GOLM2: variants seen among roughly 807,000 people sequenced by gnomAD.
GOLM2 encodes the protein golgi membrane protein 2.
In GOLM2, 26 loss-of-function variants were observed where a neutral mutation model predicts 55.9. That is an observed-to-expected ratio of 0.47 (90% CI 0.34 to 0.65). GOLM2 has a LOEUF of 0.65. Among genes scored for constraint, GOLM2 ranks in the 30% least tolerant of loss-of-function variants. The pLI, the probability that GOLM2 is intolerant of heterozygous loss-of-function variation, is 0.01. For synonymous variants in GOLM2, 165 were observed against 194.6 expected (o/e 0.85, Z 1.27); for missense variants, 486 against 531.8 (o/e 0.91, Z 0.85).
chr15:44,388,710 T>G (rs1273566369), intron 8 of GOLM2, among the ~76,000 whole-genome samples: 1 of 152,216 alleles, frequency 6.6e-6, no homozygotes, highest in Non-Finnish European at 1.5e-5. Flanking sequence ...GACAGGGTCT[T>G]GCTGTGCTGC....
At chr15:44,388,139 G>T (rs1381224249) in intron 8 of GOLM2, among the ~76,000 whole-genome samples, 1 of 151,392 alleles carries the variant, frequency 6.6e-6, no homozygotes, top group Admixed American at 6.6e-5. Flanking sequence ...AGCTGGGCTT[G>T]TTGGTGCATG....
chr15:44,378,364 T>G (rs1290468113), intron 6 of GOLM2, among the ~76,000 whole-genome samples: 2 of 150,664 alleles, frequency 1.3e-5, no homozygotes, highest in East Asian at 3.9e-4. Flanking sequence ...CTTTTTTTTT[T>G]TTTTTTTTTG....
intron 8 of GOLM2, among the ~76,000 whole-genome samples, chr15:44,402,319 T>G (rs2079570846): frequency 6.6e-6 from 1 of 152,186 alleles, no homozygotes; most frequent in South Asian, 2.1e-4. Flanking sequence ...TTGTCATCCC[T>G]TTTTGGAAAT....
chr15:44,351,124 T>G (rs1177434756), intron 6 of GOLM2, among the ~76,000 whole-genome samples: 1 of 152,042 alleles, frequency 6.6e-6, no homozygotes, highest in Non-Finnish European at 1.5e-5. Flanking sequence ...TTATTTGACC[T>G]AGACTTCCAG....
intron 6 of GOLM2, among the ~76,000 whole-genome samples, 200 bp downstream of exon 6, chr15:44,338,517 C>T (rs2079072088): frequency 1.3e-5 from 2 of 152,032 alleles, no homozygotes; most frequent in Admixed American, 6.6e-5. Context: ...GTATAAAATA[C>T]TTGTTTTTGC....
intron 1 of GOLM2, among the ~76,000 whole-genome samples, chr15:44,316,500 A>C (rs1020358959): frequency 6.6e-6 from 1 of 152,244 alleles, no homozygotes; most frequent in Non-Finnish European, 1.5e-5. Context: ...TCACGCCTGT[A>C]ATCCCAGCAC....
At chr15:44,373,715 C>T (rs1296197722) in intron 6 of GOLM2, among the ~76,000 whole-genome samples, 1 of 152,186 alleles carries the variant, frequency 6.6e-6, no homozygotes, top group African/African-American at 2.4e-5. Context: ...GATCGTGCCA[C>T]TGCACTCCAA....
chr15:44,359,715 C>T lies in GOLM2; in HGVS notation c.803-19975C>T, dbSNP rs368120312. ...AAATACAGAGAATGCCACAAAGATA[C>T]TCCTCGAGAAGAGCAACTCCAAGAC... On this transcript the variant is annotated intron_variant, in intron 6 of 9. Transcript: ENST00000299957. 4.6e-3 allele frequency among the ~76,000 whole-genome samples: 693 copies of T among 152,178 alleles called. 13 individuals carry two copies. Among genetic ancestry groups the T allele is most frequent in the East Asian group, 0.04 (206 of 5,170 alleles).
intron 1 of GOLM2, among the ~76,000 whole-genome samples, chr15:44,322,065 A>G (rs1555422167): frequency 2.6e-5 from 4 of 151,872 alleles, no homozygotes; most frequent in Non-Finnish European, 5.9e-5. Context: ...GAAAAAAAAA[A>G]GTTTAAAAAT....
chr15:44,362,624 A>T (rs1313392190), intron 6 of GOLM2, among the ~76,000 whole-genome samples: 1 of 152,216 alleles, frequency 6.6e-6, no homozygotes, highest in African/African-American at 2.4e-5. Context: ...TGCCCAAGGT[A>T]ATTTATAGAT....
intron 6 of GOLM2, among the ~76,000 whole-genome samples, chr15:44,358,817 A>G (rs191051437): frequency 6.6e-6 from 1 of 152,338 alleles, no homozygotes; most frequent in East Asian, 1.9e-4. Flanking sequence ...ACACCAAAGT[A>G]GCGATCCATG....
At chr15:44,338,353 A>G (rs566954853) in intron 6 of GOLM2, 36 bp downstream of exon 6, 2 of 1,462,320 alleles carry the variant, frequency 1.4e-6, no homozygotes, top group Admixed American at 3.4e-5. Context: ...GACTAAAGTG[A>G]TGATAATACA....
chr15:44,294,597 C>G (rs377372225), intron 1 of GOLM2, among the ~76,000 whole-genome samples: 1 of 151,724 alleles, frequency 6.6e-6, no homozygotes, highest in Non-Finnish European at 1.5e-5. Flanking sequence ...ACCTGTAGTC[C>G]CAGCTACTTG....
chr15:44,401,151 G>A (rs1454910395), intron 8 of GOLM2, among the ~76,000 whole-genome samples: 1 of 151,986 alleles, frequency 6.6e-6, no homozygotes, highest in African/African-American at 2.4e-5. Flanking sequence ...TCTTGCTGTT[G>A]CGTAGGCTGG....
intron 8 of GOLM2, among the ~76,000 whole-genome samples, chr15:44,394,556 A>G (rs1466890225): frequency 1.3e-5 from 2 of 152,192 alleles, no homozygotes; most frequent in African/African-American, 4.8e-5. Flanking sequence ...TGCAGGGCCT[A>G]TATCCCTTGA....
At chr15:44,309,264 G>A (rs2078858136) in intron 1 of GOLM2, among the ~76,000 whole-genome samples, 1 of 152,100 alleles carries the variant, frequency 6.6e-6, no homozygotes, top group Admixed American at 6.6e-5. Context: ...TTATGATCTG[G>A]CAATCCCACT....
intron 1 of GOLM2, among the ~76,000 whole-genome samples, chr15:44,302,444 G>A (rs1355211871): frequency 1.3e-5 from 2 of 149,586 alleles, no homozygotes; most frequent in Non-Finnish European, 3.0e-5. Flanking sequence ...CACGCCTAGT[G>A]GTTCTAGTTT....
chr15:44,322,840 A>G (rs762800370), intron 1 of GOLM2, 125 bp from the exon 2 acceptor site: 35 of 575,380 alleles, frequency 6.1e-5, no homozygotes, highest in Non-Finnish European at 9.9e-5. Context: ...GGAAAGAGGT[A>G]GAGTATAAAT....
intron 1 of GOLM2, among the ~76,000 whole-genome samples, chr15:44,304,298 A>G (rs1037929550): frequency 7.5e-6 from 1 of 132,526 alleles, no homozygotes; most frequent in Non-Finnish European, 1.5e-5. Context: ...CTGGAGTGCA[A>G]TGGCATGATC....
Sources: allele counts gnomAD v4.1 joint callset (sites outside exome capture counted in the v4.1 genomes callset), GRCh38; gene constraint gnomAD v4.1.1; transcripts MANE v1.5; gene names NCBI Gene and HGNC (gene_info 2026-07-23, HGNC 2026-07-21).